SASH1: variants seen among roughly 807,000 people sequenced by gnomAD.
SASH1 encodes SAM and SH3 domain-containing protein 1.
In SASH1, 44 loss-of-function variants were observed where a neutral mutation model predicts 125.2. The observed-to-expected ratio is 0.35, with a 90% CI of 0.28 to 0.45. SASH1 has a LOEUF of 0.45. SASH1 is among the 20% of genes least tolerant of loss of function. SASH1 has a pLI of 1.00. For missense variants in SASH1, 1,426 were observed against 1,614.5 expected (o/e 0.88, Z 2.00); for synonymous variants, 639 against 649.1 (o/e 0.98, Z 0.24).
chr6:148,432,750 A>C (rs1045250062), intron 2 of SASH1, among the ~76,000 whole-genome samples: 1 of 152,342 alleles, frequency 6.6e-6, no homozygotes, highest in Middle Eastern at 3.4e-3. Context: ...GGGAGGAGGA[A>C]CGTGTGGATT....
At chr6:148,339,232 C>G (rs1004939830), upstream of SASH1, among the ~76,000 whole-genome samples, 2 of 151,822 alleles carry the variant, frequency 1.3e-5, no homozygotes, top group African/African-American at 4.8e-5. Context: ...CTAGTAGAGA[C>G]GAGGTTTCAC....
chr6:148,389,226 C>G (rs1376331755), intron 1 of SASH1, among the ~76,000 whole-genome samples: 4 of 152,200 alleles, frequency 2.6e-5, no homozygotes, highest in African/African-American at 9.7e-5. Context: ...ACACGTGTTA[C>G]TCCAGTAGTC....
chr6:148,395,036 T>C (rs1252632325), intron 2 of SASH1, among the ~76,000 whole-genome samples: 1 of 152,230 alleles, frequency 6.6e-6, no homozygotes, highest in Non-Finnish European at 1.5e-5. Flanking sequence ...AGAGGAAATA[T>C]GCAGTAACAT....
chr6:148,247,060 G>A, the SASH1 span, among the ~76,000 whole-genome samples: 6 of 152,310 alleles, frequency 3.9e-5, no homozygotes, highest in East Asian at 9.6e-4. Context: ...GTCTATCCCT[G>A]AGGACACAAT....
At chr6:148,226,565 A>G in the SASH1 span, among the ~76,000 whole-genome samples, 7 of 152,316 alleles carry the variant, frequency 4.6e-5, no homozygotes, top group East Asian at 1.9e-4. Flanking sequence ...ATCTCCCACA[A>G]CGCGAAGTGG....
intron 4 of SASH1, among the ~76,000 whole-genome samples, chr6:148,448,496 A>T (rs1467105111): frequency 6.6e-6 from 1 of 152,058 alleles, no homozygotes; most frequent in African/African-American, 2.4e-5. Context: ...GGTCCTGCTG[A>T]CTTTTCCCCG....
At chr6:148,510,462 TAC>T (rs1307146028) in intron 8 of SASH1, among the ~76,000 whole-genome samples, 2 of 152,178 alleles carry the variant, frequency 1.3e-5, no homozygotes, top group East Asian at 1.9e-4. Context: ...TGTGAATATA[TAC>T]TTTTATTTTT....
intron 17 of SASH1, among the ~76,000 whole-genome samples, chr6:148,541,711 T>G (rs1782228980): frequency 6.6e-6 from 1 of 152,094 alleles, no homozygotes; most frequent in South Asian, 2.1e-4. Flanking sequence ...AGCCCTGCAC[T>G]CACATGACTC....
chr6:148,502,512 A>G (rs1218574777), intron 8 of SASH1, among the ~76,000 whole-genome samples: 1 of 152,240 alleles, frequency 6.6e-6, no homozygotes, highest in Non-Finnish European at 1.5e-5. Flanking sequence ...TGTGACCAAA[A>G]GGCCTCTGCC....
At chr6:148,525,019 T>G in intron 10 of SASH1, 1 of 410,946 alleles carries the variant, frequency 2.4e-6, no homozygotes, top group Non-Finnish European at 4.4e-6. Flanking sequence ...TTTTAGGCTT[T>G]TTAAAAAAAA....
At chr6:148,374,513 G>A (rs1562361174) in intron 1 of SASH1, among the ~76,000 whole-genome samples, 2 of 152,204 alleles carry the variant, frequency 1.3e-5, no homozygotes, top group African/African-American at 2.4e-5. Flanking sequence ...AACTGGGTTA[G>A]GAGAATGATG....
chr6:148,543,336 G>A (rs931089561), intron 17 of SASH1, among the ~76,000 whole-genome samples: 2 of 152,134 alleles, frequency 1.3e-5, no homozygotes, highest in African/African-American at 4.8e-5. Context: ...TCATCAATAT[G>A]CGGTATGATG....
At chr6:148,198,463 A>G in the SASH1 span, among the ~76,000 whole-genome samples, 3 of 152,228 alleles carry the variant, frequency 2.0e-5, no homozygotes, top group African/African-American at 7.2e-5. Context: ...GCTACTTGGC[A>G]GCATACTTCA....
chr6:148,486,368 C>T (rs139689577), intron 7 of SASH1, among the ~76,000 whole-genome samples: 2,365 of 152,230 alleles, frequency 0.016, 64 homozygotes, highest in African/African-American at 0.054. Context: ...TGATCCACCT[C>T]TCTTGGCCTC....
At chr6:148,447,691 C>T (rs550716027) in intron 4 of SASH1, among the ~76,000 whole-genome samples, 1 of 147,084 alleles carries the variant, frequency 6.8e-6, no homozygotes. Context: ...CTTCTTCTTC[C>T]TCTTCTCCTC....
chr6:148,470,671 C>T (rs185270629), intron 5 of SASH1, among the ~76,000 whole-genome samples: 9 of 152,260 alleles, frequency 5.9e-5, no homozygotes, highest in East Asian at 1.9e-4. Context: ...TGAAAGTCAC[C>T]GCAGTCATCT....
At chr6:148,367,912 A>G (rs774537446) in intron 1 of SASH1, among the ~76,000 whole-genome samples, 160 of 152,314 alleles carry the variant, frequency 1.1e-3, no homozygotes, top group Non-Finnish European at 3.4e-4. Context: ...GGAGTCGTTC[A>G]GGGCTGCGGG....
At position 148,548,431 on chromosome 6, in the gene SASH1, T is replaced by G; in HGVS notation, c.3617T>G (p.Leu1206Arg). 6.2e-7 allele frequency: 1 copy of G among 1,614,222 alleles called. No homozygotes were observed. Among genetic ancestry groups the G allele is most frequent in the Non-Finnish European group, 8.5e-7 (1 of 1,180,036 alleles). Residue 1206 changes from leucine to arginine, a missense_variant, in exon 20 of 20, where the codon CTG becomes CGG. Coordinates refer to ENST00000367467, the MANE Select transcript of SASH1 (RefSeq NM_015278.5). Reference sequence around the variant, plus strand: ...CTCTCCACCGCGGGCTTCAGCACACTGAGCCAAGTGCCTTCTCTGTCTCAC... The same window carrying G: ...CTCTCCACCGCGGGCTTCAGCACACGGAGCCAAGTGCCTTCTCTGTCTCAC... ...GTLSTAGFSTLSQVPSLSHTC... is the reference protein window; with the variant it reads ...GTLSTAGFSTRSQVPSLSHTC...
In SASH1 at chr6:148,471,386, CTTT is replaced by C. The variant is rs35487674; in HGVS notation, c.428-6_428-4del. On this transcript the variant is annotated intron_variant, in intron 5 of 19. Coordinates refer to ENST00000367467, the MANE Select transcript of SASH1 (RefSeq NM_015278.5). Reference sequence around the variant, plus strand: ...GAATTTATTGCTTGTGCTTTTTGTTCTTTTTTTTTTTTTTTTTTTTTTTTTTTA... The same window carrying C: ...GAATTTATTGCTTGTGCTTTTTGTTCTTTTTTTTTTTTTTTTTTTTTTTTA... 0.19 allele frequency: 92,841 copies of C among 495,364 alleles called. 1,639 individuals are homozygous for C. Among genetic ancestry groups the C allele is most frequent in the African/African-American group, 0.3 (8,415 of 28,270 alleles). 30.7% of individuals were successfully genotyped at this position (495,364 alleles called of 1,614,324 possible).
Sources: allele counts gnomAD v4.1 joint callset (sites outside exome capture counted in the v4.1 genomes callset), GRCh38; gene constraint gnomAD v4.1.1; transcripts MANE v1.5; gene names NCBI Gene and HGNC (gene_info 2026-07-23, HGNC 2026-07-21).